The following PTPRD variants were observed in gnomAD, a reference collection of about 807,000 sequenced individuals.
The protein encoded by PTPRD is protein tyrosine phosphatase receptor type D, also known as receptor-type tyrosine-protein phosphatase delta.
In PTPRD, 34 loss-of-function variants were observed where a neutral mutation model predicts 214.5. The ratio of observed to expected loss-of-function variants is 0.16; its 90% confidence interval spans 0.12 to 0.21. PTPRD has a LOEUF of 0.21. Ranked by LOEUF, PTPRD falls within the 10% of genes least tolerant of loss-of-function variation. The probability of loss-of-function intolerance (pLI) is 1.00; values close to 1 mark genes in which losing one functional copy is unlikely to be tolerated. For synonymous variants in PTPRD, 1,128 were observed against 845.7 expected (o/e 1.33, Z -5.79); for missense variants, 2,545 against 2,398.7 (o/e 1.06, Z -1.27).
In PTPRD at chr9:10,395,864, T is replaced by C. The variant is rs2098159193; in HGVS notation, c.-599-54847A>G. Among the ~76,000 whole-genome samples the C allele has an allele frequency of 2.0e-5, 3 of 152,018 alleles. No individual in the cohort carries two copies. In the South Asian group the frequency reaches 6.2e-4, roughly 32 times the overall value. ...TTTCCAGGAGAATAAATGAATTGTTTGTTCCTAGAGAAGGATCTGGAAACA... is the reference window on the plus strand; with the variant it reads ...TTTCCAGGAGAATAAATGAATTGTTCGTTCCTAGAGAAGGATCTGGAAACA... On this transcript the variant is annotated intron_variant, in intron 2 of 45. Transcript: ENST00000381196.
intron 3 of PTPRD, among the ~76,000 whole-genome samples, chr9:10,272,520 G>A (rs544580083): frequency 8.8e-4 from 134 of 152,212 alleles, no homozygotes; most frequent in African/African-American, 3.2e-3. Flanking sequence ...TAAACACATA[G>A]TTCTTGTATC....
At chr9:9,595,436 G>T (rs768853994) in intron 7 of PTPRD, among the ~76,000 whole-genome samples, 21 of 146,732 alleles carry the variant, frequency 1.4e-4, no homozygotes, top group African/African-American at 4.9e-4. Context: ...ATATACACAC[G>T]TGTACACATG....
In PTPRD at chr9:9,002,715, A is replaced by G. The variant is rs555184014; in HGVS notation, c.-104+15982T>C. Among the ~76,000 whole-genome samples, 12 of 152,132 alleles carry G rather than the reference A, an allele frequency of 7.9e-5. No homozygotes were observed. The South Asian group carries it at 2.5e-3, about 32-fold the overall frequency. The stretch of plus-strand genomic sequence containing the variant: ...ACTGGGCTTCCGCCTACTTCTTTGC[A>G]CCCAAATTTGTGTCTTAGAAATTTG... On this transcript the variant is annotated intron_variant, in intron 11 of 45. Coordinates refer to ENST00000381196, the MANE Select transcript of PTPRD (RefSeq NM_002839.4).
chr9:8,851,785 T>C (rs532586849), intron 11 of PTPRD, among the ~76,000 whole-genome samples: 89 of 152,268 alleles, frequency 5.8e-4, no homozygotes, highest in African/African-American at 2.0e-3. Flanking sequence ...GATTCTGAAA[T>C]GTTTTATCAT....
chr9:9,743,656 A>G (rs1161115679), intron 6 of PTPRD, among the ~76,000 whole-genome samples: 7 of 151,884 alleles, frequency 4.6e-5, no homozygotes, highest in Non-Finnish European at 1.0e-4. Flanking sequence ...ATGTTAAGAC[A>G]GAAGAAGAAA....
rs61014266 is a variant in PTPRD at position 9,454,909 on chromosome 9, G to A, written c.-236-57427C>T. Among the ~76,000 whole-genome samples the A allele has an allele frequency of 3.3e-4, 50 of 151,292 alleles. 1 individual carries two copies. In the East Asian group the frequency reaches 9.6e-3, roughly 29 times the overall value. ...TGGTTATTAAATGTATGTAATACAA[G>A]CATTTCATTGTTTAAATAGAATCTG... On this transcript the variant is annotated intron_variant, in intron 8 of 45. Coordinates refer to ENST00000381196, the MANE Select transcript of PTPRD (RefSeq NM_002839.4).
chr9:8,492,762 C>T (rs770225012), intron 27 of PTPRD, 100 bp downstream of exon 27: 51 of 742,624 alleles, frequency 6.9e-5, no homozygotes, highest in Middle Eastern at 5.3e-4. Context: ...CCATTTATTT[C>T]CTCTGATTTT....
At chr9:9,728,140 C>T (rs2098125121) in intron 7 of PTPRD, among the ~76,000 whole-genome samples, 1 of 152,096 alleles carries the variant, frequency 6.6e-6, no homozygotes, top group Non-Finnish European at 1.5e-5. Context: ...GTAAGATGTG[C>T]CTTTCACCTT....
chr9:8,550,062 G>A (rs2081543295), intron 14 of PTPRD, among the ~76,000 whole-genome samples: 1 of 152,096 alleles, frequency 6.6e-6, no homozygotes, highest in Non-Finnish European at 1.5e-5. Context: ...GAATCAGTCA[G>A]AATTGAAAAG....
At chr9:9,990,203 T>G (rs1446151248) in intron 4 of PTPRD, among the ~76,000 whole-genome samples, 1 of 152,224 alleles carries the variant, frequency 6.6e-6, no homozygotes, top group Non-Finnish European at 1.5e-5. Flanking sequence ...CTGGGGCAAC[T>G]GAAGGTGTTG....
intron 2 of PTPRD, among the ~76,000 whole-genome samples, chr9:10,461,003 G>A (rs956936129): frequency 1.3e-5 from 2 of 151,966 alleles, no homozygotes; most frequent in South Asian, 4.1e-4. Flanking sequence ...CAAATAAGGG[G>A]TTAATATCCA....
At chr9:9,236,270 T>C (rs2099966661) in intron 9 of PTPRD, among the ~76,000 whole-genome samples, 2 of 152,012 alleles carry the variant, frequency 1.3e-5, no homozygotes, top group South Asian at 4.2e-4. Flanking sequence ...AATAAATAAA[T>C]ACACAAATAA....
chr9:8,882,692 C>T lies in PTPRD; in HGVS notation c.-104+136005G>A, dbSNP rs112596165. On this transcript the variant is annotated intron_variant, in intron 11 of 45. Coordinates refer to ENST00000381196, the MANE Select transcript of PTPRD (RefSeq NM_002839.4). ...TTGAGTCCAGGAGTTTGAGACCAGC[C>T]TGGCCGACATAGTGAAACCCCGCCT... is the stretch of plus-strand genomic sequence containing the variant. Among the ~76,000 whole-genome samples the T allele has an allele frequency of 6.8e-3, 1,038 of 151,930 alleles. 7 individuals carry two copies. Among genetic ancestry groups the T allele is most frequent in the Non-Finnish European group, 0.012 (820 of 67,944 alleles).
intron 10 of PTPRD, among the ~76,000 whole-genome samples, chr9:9,123,074 A>C (rs1411545677): frequency 6.6e-6 from 1 of 152,206 alleles, no homozygotes; most frequent in African/African-American, 2.4e-5. Context: ...AGGAGAAATG[A>C]GAACCGAAGC....
At chr9:8,460,754 TG>T (rs1300173630) in intron 32 of PTPRD, among the ~76,000 whole-genome samples, 183 bp from the exon 33 acceptor site, 1 of 152,062 alleles carries the variant, frequency 6.6e-6, no homozygotes, top group Non-Finnish European at 1.5e-5. Context: ...GAAGATGTTT[TG>T]TAATACAAAT....
intron 5 of PTPRD, among the ~76,000 whole-genome samples, chr9:9,813,444 A>G (rs534923838): frequency 2.6e-5 from 4 of 152,150 alleles, no homozygotes; most frequent in African/African-American, 7.2e-5. Context: ...GAGAAGATCT[A>G]AGAACTTATG....
At chr9:9,071,267 G>A (rs2099743320) in intron 10 of PTPRD, among the ~76,000 whole-genome samples, 1 of 152,038 alleles carries the variant, frequency 6.6e-6, no homozygotes, top group Admixed American at 6.6e-5. Flanking sequence ...CTTGAGTTTG[G>A]ACAAGGCACA....
intron 3 of PTPRD, among the ~76,000 whole-genome samples, chr9:10,163,064 G>T (rs72696942): frequency 0.12 from 17,588 of 150,750 alleles, 1,169 homozygotes; most frequent in South Asian, 0.19. Context: ...GAGGGGGAAA[G>T]AAATAAGAAA....
chr9:8,929,732 T>C (rs1389458253), intron 11 of PTPRD, among the ~76,000 whole-genome samples: 1 of 111,660 alleles, frequency 9.0e-6, no homozygotes, highest in East Asian at 2.6e-4. Flanking sequence ...TATATATATG[T>C]GTATATATAT....
Sources: gnomAD v4.1 joint callset for allele counts (sites outside exome capture counted in the v4.1 genomes callset) on GRCh38, gnomAD v4.1.1 for gene constraint, MANE v1.5 for transcripts, NCBI Gene and HGNC (gene_info 2026-07-23, HGNC 2026-07-21) for gene names.